Variants in LRRC3C observed in about 807,000 individuals in gnomAD.
LRRC3C encodes leucine-rich repeat-containing protein 3C.
LRRC3C carries 11 observed loss-of-function variants against 14.8 expected under a neutral mutation model. The ratio of observed to expected loss-of-function variants is 0.74; its 90% CI spans 0.47 to 1.23. The LOEUF (loss-of-function observed/expected upper bound fraction) is 1.23, where lower values mean the gene tolerates loss of function less well. Ranked by LOEUF, LRRC3C falls within the 50% of genes most tolerant of loss-of-function variation. The pLI is 0.00. For synonymous variants in LRRC3C, 149 were observed against 161.5 expected, an observed-to-expected ratio of 0.92 and a Z score of 0.59; for missense variants, 354 against 361.8, an observed-to-expected ratio of 0.98 and a Z score of 0.18.
intron 1 of LRRC3C, among the ~76,000 whole-genome samples, chr17:39,933,720 A>G (rs7222154): frequency 0.6 from 90,527 of 151,788 alleles, 27,114 homozygotes; most frequent in East Asian, 0.71. Context: ...GCGACAGAGC[A>G]AGACTCCGTC....
At chr17:39,939,303 G>A (rs1409054785) in intron 2 of LRRC3C, 2 of 962,902 alleles carry the variant, frequency 2.1e-6, no homozygotes, top group African/African-American at 1.8e-5. Flanking sequence ...ATTCTGCCAT[G>A]TTATTAATAC....
At chr17:39,936,362 C>T (rs1598293351) in intron 2 of LRRC3C, among the ~76,000 whole-genome samples, 2 of 152,200 alleles carry the variant, frequency 1.3e-5, no homozygotes, top group East Asian at 1.9e-4. Context: ...TGAGACTCCC[C>T]GGTGATGGCT....
rs574650709 is a variant in LRRC3C, at chr17:39,944,443, G to A, written c.537G>A (p.Pro179=). Residue 179 remains proline, a synonymous_variant, in exon 4 of 4, where the codon CCG becomes CCA. Coordinates refer to ENST00000377924, the MANE Select transcript of LRRC3C (RefSeq NM_001195545.2). ...QEVLRQVRLV[P]GTGTGIVCGS... ...TGCTCCGGCAGGTGAGGCTGGTGCC[G>A]GGCACTGGGACAGGCATCGTGTGTG... The A allele has an allele frequency of 1.5e-5, 22 of 1,488,286 alleles. No homozygotes were observed. In the Admixed American group the frequency reaches 2.6e-4, roughly 17 times the overall value. The allele number at this position is 1,488,286 out of a possible 1,614,324, so 92.2% of individuals were successfully genotyped here.
intron 1 of LRRC3C, among the ~76,000 whole-genome samples, chr17:39,928,152 G>T (rs1978540066): frequency 2.0e-5 from 3 of 152,076 alleles, no homozygotes; most frequent in Non-Finnish European, 2.9e-5. Context: ...TCTCAGTCAC[G>T]CTTGGCCCAG....
intron 1 of LRRC3C, among the ~76,000 whole-genome samples, chr17:39,930,618 G>T (rs1978623650): frequency 7.4e-6 from 1 of 134,340 alleles, no homozygotes; most frequent in Non-Finnish European, 1.5e-5. Flanking sequence ...TGAAGCAAGA[G>T]AATTGCTTGA....
At chr17:39,936,180 C>T (rs1978789892) in intron 2 of LRRC3C, among the ~76,000 whole-genome samples, 1 of 152,230 alleles carries the variant, frequency 6.6e-6, no homozygotes, top group Non-Finnish European at 1.5e-5. Context: ...TGCCATGCCT[C>T]AGTCTCTTCC....
At chr17:39,943,328 G>C (rs1286257241) in intron 3 of LRRC3C, among the ~76,000 whole-genome samples, 1 of 152,180 alleles carries the variant, frequency 6.6e-6, no homozygotes, top group Non-Finnish European at 1.5e-5. Context: ...GAGGAGGACG[G>C]GGAGGAGGAG....
chr17:39,930,701 T>C (rs1405625199), intron 1 of LRRC3C, among the ~76,000 whole-genome samples: 3 of 97,766 alleles, frequency 3.1e-5, no homozygotes, highest in Admixed American at 1.3e-4. Context: ...TGAGCAAGGC[T>C]CTGTCTCAAA....
chr17:39,937,670 G>T (rs575540606), intron 2 of LRRC3C, among the ~76,000 whole-genome samples: 2 of 152,250 alleles, frequency 1.3e-5, no homozygotes, highest in South Asian at 4.1e-4. Context: ...GATTAACCCA[G>T]CCTTGAAAGC....
intron 2 of LRRC3C, among the ~76,000 whole-genome samples, 130 bp from the exon 3 acceptor site, chr17:39,941,313 T>A (rs1978931702): frequency 7.1e-6 from 1 of 140,936 alleles, no homozygotes; most frequent in South Asian, 2.3e-4. Flanking sequence ...GTTGTGGCAC[T>A]GCACTCCAGC....
At chr17:39,936,541 G>C (rs1301561381) in intron 2 of LRRC3C, among the ~76,000 whole-genome samples, 1 of 151,702 alleles carries the variant, frequency 6.6e-6, no homozygotes, top group South Asian at 2.1e-4. Flanking sequence ...GGTGGCTCAC[G>C]CTTGTAATCC....
chr17:39,935,153 C>T (rs760086597), intron 1 of LRRC3C, among the ~76,000 whole-genome samples: 4 of 152,180 alleles, frequency 2.6e-5, no homozygotes, highest in Admixed American at 6.5e-5. Flanking sequence ...CTATTTAAGA[C>T]GGAGTTGCTC....
At chr17:39,942,377 C>G (rs1333522011) in intron 3 of LRRC3C, among the ~76,000 whole-genome samples, 1 of 152,138 alleles carries the variant, frequency 6.6e-6, no homozygotes, top group Non-Finnish European at 1.5e-5. Context: ...GCAAATGATG[C>G]CTGGGATAGG....
Position 39,939,482 on chromosome 17 carries a change from A to T in LRRC3C, c.-81-1961A>T, listed in dbSNP as rs1021173349. ...GCTTTCGAAAGAAACCAGTGCCTAG[A>T]CCCCATGCACAGAGATTTTAATGTA... On this transcript the variant is annotated intron_variant, in intron 2 of 3. Transcript: ENST00000377924. 3.7e-6 allele frequency: 3 copies of T among 807,294 alleles called. No homozygotes were observed. In the African/African-American group the frequency reaches 5.6e-5, roughly 15 times the overall value. 50.0% of individuals were successfully genotyped at this position (807,294 alleles called of 1,614,324 possible). A position where few individuals can be genotyped will look rare whatever the true frequency, so the allele number is the denominator to read the frequency against.
At chr17:39,933,879 A>G (rs974823697) in intron 1 of LRRC3C, among the ~76,000 whole-genome samples, 10 of 152,244 alleles carry the variant, frequency 6.6e-5, no homozygotes, top group Non-Finnish European at 8.8e-5. Flanking sequence ...CAAGGAAGGA[A>G]AGAACTGCTT....
chr17:39,932,293 A>T (rs897755977), intron 1 of LRRC3C, among the ~76,000 whole-genome samples: 1 of 152,246 alleles, frequency 6.6e-6, no homozygotes, highest in Non-Finnish European at 1.5e-5. Context: ...AAACACTCAA[A>T]ACAATTCCTG....
chr17:39,932,008 A>T (rs566766265), intron 1 of LRRC3C, among the ~76,000 whole-genome samples: 156 of 152,242 alleles, frequency 1.0e-3, no homozygotes, highest in African/African-American at 3.4e-3. Context: ...CTAAACCTGC[A>T]TATACGTTAA....
chr17:39,944,326 G>A lies in LRRC3C; in HGVS notation c.420G>A (p.Leu140=), dbSNP rs1979023458. The part of the protein sequence containing the change: ...LRHLDLSANQ[L]ASVPVEAFVG... ...ACCTCGACCTCTCTGCCAACCAGCT[G>A]GCCTCAGTGCCCGTGGAGGCCTTTG... The change falls in exon 4 of 4, where the codon CTG becomes CTA. Residue 140 remains leucine, a synonymous_variant. Coordinates refer to ENST00000377924, the MANE Select transcript of LRRC3C (RefSeq NM_001195545.2). 9.1e-6 allele frequency: 14 copies of A among 1,535,626 alleles called. No individual in the cohort carries two copies. The highest frequency in any genetic ancestry group is 1.4e-5 in the African/African-American group (1 of 73,170).
chr17:39,929,022 G>A (rs1978570236), intron 1 of LRRC3C: 1 of 152,236 alleles, frequency 6.6e-6, no homozygotes, highest in Non-Finnish European at 1.5e-5. Flanking sequence ...ATGTCCTGTG[G>A]AAGTTTCTCC....
Sources: allele counts gnomAD v4.1 joint callset (sites outside exome capture counted in the v4.1 genomes callset), GRCh38; gene constraint gnomAD v4.1.1; transcripts MANE v1.5; gene names NCBI Gene and HGNC (gene_info 2026-07-23, HGNC 2026-07-21).